WDR64: variants seen among roughly 807,000 people sequenced by gnomAD.
WDR64 encodes WD repeat-containing protein 64.
A neutral mutation model predicts 139.3 loss-of-function variants in WDR64; 112 were observed. The ratio of observed to expected loss-of-function variants is 0.80; its 90% CI spans 0.69 to 0.94. The LOEUF (loss-of-function observed/expected upper bound fraction) is 0.94, where lower values mean the gene tolerates loss of function less well. WDR64 is among the 40% of genes least tolerant of loss of function. The pLI, the probability that WDR64 is intolerant of heterozygous loss-of-function variation, is 0.00. For missense variants in WDR64, 1,206 were observed against 1,293.1 expected, an observed-to-expected ratio of 0.93 and a Z score of 1.03; for synonymous variants, 444 against 437.7, an observed-to-expected ratio of 1.01 and a Z score of -0.18.
At chr1:241,772,451 C>CCTTTTTTTTT (rs1658491003) in intron 19 of WDR64, among the ~76,000 whole-genome samples, 1 of 59,020 alleles carries the variant, frequency 1.7e-5, no homozygotes, top group South Asian at 1.0e-3. Flanking sequence ...AAGATAGATC[C>CCTTTTTTTTT]TTTTTTTTTT....
At position 241,656,870 on chromosome 1, in the gene WDR64, TTGTGTG is replaced by T. The variant is rs199635140; in HGVS notation, c.146-3624_146-3619del. 3.2e-3 allele frequency among the ~76,000 whole-genome samples: 278 copies of T among 86,704 alleles called. 2 individuals are homozygous for T. The highest frequency in any genetic ancestry group is 0.011 in the African/African-American group (251 of 22,488). The allele number at this position is 86,704 out of a possible 152,430, so 56.9% of individuals were successfully genotyped here. A position where few individuals can be genotyped will look rare whatever the true frequency, so the allele number is the denominator to read the frequency against. On this transcript the variant is annotated intron_variant, in intron 1 of 27. Coordinates refer to ENST00000437684, the MANE Select transcript of WDR64 (RefSeq NM_001367482.1). The surrounding 1 kb of genome is among the most constrained non-coding windows in gnomAD (Gnocchi z 4.3). ...AAATGTCTCAAGTCTTTGCCAAATG[TTGTGTG>T]TGTGTGTGTGTGTGTGTGTGTGTGT...
intron 9 of WDR64, among the ~76,000 whole-genome samples, chr1:241,721,762 G>T (rs761400810): frequency 6.6e-5 from 10 of 152,176 alleles, no homozygotes; most frequent in African/African-American, 9.6e-5. Context: ...TTTTGTAAAT[G>T]ATTACAGTTT....
intron 4 of WDR64, among the ~76,000 whole-genome samples, chr1:241,676,745 G>GTTTTT (rs11342790): frequency 8.0e-6 from 1 of 124,358 alleles, no homozygotes; most frequent in Non-Finnish European, 1.7e-5. Flanking sequence ...AAAATTAATG[G>GTTTTT]TTTTTTTTTT....
chr1:241,706,099 C>T (rs1173347482), intron 8 of WDR64, among the ~76,000 whole-genome samples: 4 of 152,176 alleles, frequency 2.6e-5, no homozygotes, highest in African/African-American at 9.7e-5. Context: ...TCCTATGACC[C>T]TAAGCTTTTA....
chr1:241,793,557 C>T (rs1424337624), intron 25 of WDR64, among the ~76,000 whole-genome samples: 1 of 152,170 alleles, frequency 6.6e-6, no homozygotes, highest in African/African-American at 2.4e-5. Flanking sequence ...AATATTTAAT[C>T]TTCAATTCTT....
At chr1:241,798,392 G>A (rs575824872) in intron 27 of WDR64, among the ~76,000 whole-genome samples, 5 of 152,270 alleles carry the variant, frequency 3.3e-5, no homozygotes, top group African/African-American at 1.2e-4. Context: ...ATACAATTAA[G>A]ACCAATTGTG....
chr1:241,723,849 T>C (rs1668703419), intron 10 of WDR64, among the ~76,000 whole-genome samples: 1 of 152,030 alleles, frequency 6.6e-6, no homozygotes. Flanking sequence ...TTGCAAATAA[T>C]GGGATTACCT....
At chr1:241,746,652 G>A (rs1015189809) in intron 13 of WDR64, among the ~76,000 whole-genome samples, 2 of 151,684 alleles carry the variant, frequency 1.3e-5, no homozygotes, top group African/African-American at 2.4e-5. Context: ...GTTATTACAA[G>A]TAATACAAAG....
chr1:241,686,341 A>C (rs1381169799), intron 7 of WDR64, among the ~76,000 whole-genome samples: 1 of 152,220 alleles, frequency 6.6e-6, no homozygotes, highest in African/African-American at 2.4e-5. Flanking sequence ...TATACAAATT[A>C]AAGAAAGAAG....
At position 241,801,721 on chromosome 1, in the gene WDR64, C is replaced by G. The variant is rs1296721194; in HGVS notation, c.*506C>G. ...ATCTGGAAGAAAATGTCCTAAGTTT[C>G]TCAAAGTCAGAAATTATTTCTATGT... On this transcript the variant is annotated 3_prime_UTR_variant, in exon 28 of 28. Coordinates refer to ENST00000437684, the MANE Select transcript of WDR64 (RefSeq NM_001367482.1). 1 of 398,342 alleles carries G rather than the reference C, an allele frequency of 2.5e-6. No individual in the cohort carries two copies. Among genetic ancestry groups the G allele is most frequent in the Non-Finnish European group, 4.4e-6 (1 of 226,074 alleles). 24.7% of individuals were successfully genotyped at this position (398,342 alleles called of 1,614,324 possible).
At chr1:241,761,209 G>A (rs2148284022) in intron 15 of WDR64, among the ~76,000 whole-genome samples, 1 of 152,158 alleles carries the variant, frequency 6.6e-6, no homozygotes, top group South Asian at 2.1e-4. Flanking sequence ...AGCAAAATGA[G>A]AAGACTTTTA....
intron 16 of WDR64, 93 bp from the exon 17 acceptor site, chr1:241,769,311 A>T (rs372065765): frequency 4.3e-6 from 4 of 921,516 alleles, no homozygotes; most frequent in African/African-American, 3.4e-5. Context: ...GCATTTGAGG[A>T]ATTGCCTAGC....
intron 2 of WDR64, among the ~76,000 whole-genome samples, chr1:241,670,805 G>T (rs1320236849): frequency 6.6e-6 from 1 of 152,174 alleles, no homozygotes; most frequent in Non-Finnish European, 1.5e-5. Context: ...AGTGCCTGAT[G>T]ATCTGAGGTG....
Position 241,790,601 on chromosome 1 carries a change from A to G in WDR64, c.2902A>G (p.Met968Val). The change falls in exon 25 of 28, where the codon ATG becomes GTG. Residue 968 changes from methionine (M) to valine (V), a missense_variant. Transcript: ENST00000437684. The part of the protein sequence containing the change: ...LIFDREKWRK[M>V]SSVSLLFKRT... ...TATCTTTATATGCAGATGGAGAAAA[A>G]TGAGCTCAGTGTCTCTACTTTTCAA... 6.2e-7 allele frequency: 1 copy of G among 1,608,838 alleles called. No homozygotes were observed. The highest frequency in any genetic ancestry group is 1.1e-5 in the South Asian group (1 of 89,662).
intron 9 of WDR64, among the ~76,000 whole-genome samples, chr1:241,715,042 A>T (rs61825806): frequency 0.17 from 25,864 of 152,100 alleles, 2,400 homozygotes; most frequent in African/African-American, 0.2. Flanking sequence ...TGCACTCAGA[A>T]ATACCAAAAC....
At chr1:241,756,975 A>T (rs111444350) in intron 14 of WDR64, among the ~76,000 whole-genome samples, 4 of 152,244 alleles carry the variant, frequency 2.6e-5, no homozygotes, top group African/African-American at 9.6e-5. Context: ...AAGAATCCAT[A>T]CAGTTGGACA....
chr1:241,760,021 T>C (rs1670361998), intron 15 of WDR64, among the ~76,000 whole-genome samples: 1 of 152,222 alleles, frequency 6.6e-6, no homozygotes, highest in Non-Finnish European at 1.5e-5. Context: ...TCCTGAAGAT[T>C]CATCTATGTG....
intron 19 of WDR64, among the ~76,000 whole-genome samples, chr1:241,772,423 C>A (rs1287740845): frequency 2.2e-5 from 3 of 136,412 alleles, no homozygotes; most frequent in African/African-American, 5.4e-5. Context: ...ATTTGGAATT[C>A]CAAGTATTGC....
chr1:241,737,559 T>C (rs1287955112), intron 10 of WDR64, among the ~76,000 whole-genome samples: 2 of 152,120 alleles, frequency 1.3e-5, no homozygotes, highest in East Asian at 1.9e-4. Context: ...AGCTAGAAAA[T>C]GTAATTTCCC....
Sources: allele counts gnomAD v4.1 joint callset (sites outside exome capture counted in the v4.1 genomes callset), GRCh38; gene constraint gnomAD v4.1.1; non-coding constraint Gnocchi (gnomAD v3.1); transcripts MANE v1.5; gene names NCBI Gene and HGNC (gene_info 2026-07-23, HGNC 2026-07-21).